HMCN1: variants seen among roughly 807,000 people sequenced by gnomAD.
HMCN1 encodes the protein hemicentin 1.
A neutral mutation model predicts 625.9 loss-of-function variants in HMCN1; 321 were observed. The observed-to-expected ratio is 0.51, with a 90% CI of 0.47 to 0.56. The LOEUF (loss-of-function observed/expected upper bound fraction) is 0.56. HMCN1 is among the 20% of genes least tolerant of loss of function. The probability of loss-of-function intolerance (pLI) is 0.00; values close to 1 mark genes in which losing one functional copy is unlikely to be tolerated. For missense variants in HMCN1, 6,588 were observed against 6,887.3 expected (o/e 0.96, Z 1.54); for synonymous variants, 2,425 against 2,417.6 (o/e 1.00, Z -0.09).
At chr1:185,761,874 T>TC (rs1456327247) in intron 1 of HMCN1, among the ~76,000 whole-genome samples, 1 of 152,110 alleles carries the variant, frequency 6.6e-6, no homozygotes, top group Non-Finnish European at 1.5e-5. Context: ...ATCTAATTAA[T>TC]CCCCCCAGGT....
intron 4 of HMCN1, among the ~76,000 whole-genome samples, chr1:185,871,312 CAG>C (rs1663606523): frequency 6.6e-6 from 1 of 150,864 alleles, no homozygotes. Context: ...GAGGGGTAAA[CAG>C]AAAAGATTCA....
At chr1:186,181,794 G>A (rs1326330589) in intron 104 of HMCN1, among the ~76,000 whole-genome samples, 2 of 152,000 alleles carry the variant, frequency 1.3e-5, no homozygotes, top group African/African-American at 4.8e-5. Context: ...TGTATTTCAG[G>A]TAATTTCTAC....
chr1:186,133,054 G>T (rs1408872842), intron 86 of HMCN1, among the ~76,000 whole-genome samples: 1 of 152,098 alleles, frequency 6.6e-6, no homozygotes, highest in African/African-American at 2.4e-5. Context: ...TTGGACATTT[G>T]GGTTGGTTCC....
chr1:186,030,047 C>G (rs1468413084), intron 36 of HMCN1, among the ~76,000 whole-genome samples: 1 of 151,964 alleles, frequency 6.6e-6, no homozygotes, highest in Admixed American at 6.6e-5. Flanking sequence ...ATTATTGGTT[C>G]CTAAATTTCA....
rs1664952119 is a variant in HMCN1, at chr1:185,890,040, AG to A, written c.622-19296del. Among the ~76,000 whole-genome samples, 3 of 151,446 alleles carry A rather than the reference AG, an allele frequency of 2.0e-5. No individual in the cohort carries two copies. In the South Asian group the frequency reaches 6.2e-4, roughly 31 times the overall value. On this transcript the variant is annotated intron_variant, in intron 4 of 106. Transcript: ENST00000271588. ...AACTTCTTCCTGGTTTAGTCTTGGG[AG>A]AGTGTATGTGTCAAGGAATTTATCC...
At chr1:186,002,077 T>C (rs1200800272) in intron 28 of HMCN1, among the ~76,000 whole-genome samples, 1 of 152,056 alleles carries the variant, frequency 6.6e-6, no homozygotes, top group African/African-American at 2.4e-5. Context: ...GAAGTGGCTA[T>C]AACAGGGTGA....
At position 186,098,568 on chromosome 1, in the gene HMCN1, G is replaced by A. The variant is rs763785380; in HGVS notation, c.10573+3047G>A. Reference sequence around the variant, plus strand: ...GAGTCGGCAAGGATGTGGAGAAAAGGGGACACTTGCACACTGTTGGTGGGA... The same window carrying A: ...GAGTCGGCAAGGATGTGGAGAAAAGAGGACACTTGCACACTGTTGGTGGGA... On this transcript the variant is annotated intron_variant, in intron 68 of 106. Coordinates refer to ENST00000271588, the MANE Select transcript of HMCN1 (RefSeq NM_031935.3). Among the ~76,000 whole-genome samples the A allele has an allele frequency of 3.9e-4, 60 of 152,032 alleles. 1 individual carries two copies. The highest frequency in any genetic ancestry group is 1.3e-4 in the Admixed American group (2 of 15,258).
intron 35 of HMCN1, among the ~76,000 whole-genome samples, chr1:186,020,638 A>C (rs1369457882): frequency 6.6e-6 from 1 of 152,126 alleles, no homozygotes; most frequent in African/African-American, 2.4e-5. Flanking sequence ...GTGTAAGAAC[A>C]TATAATGAGA....
intron 54 of HMCN1, among the ~76,000 whole-genome samples, chr1:186,077,321 A>G (rs980001611): frequency 1.3e-5 from 2 of 152,198 alleles, no homozygotes; most frequent in African/African-American, 4.8e-5. Flanking sequence ...AAATGGCTAT[A>G]AAAAACATTA....
chr1:185,950,184 T>C (rs925273354), intron 11 of HMCN1, among the ~76,000 whole-genome samples: 35 of 151,108 alleles, frequency 2.3e-4, no homozygotes, highest in Non-Finnish European at 4.6e-4. Context: ...GATTGAAGTC[T>C]GGGCCAGGGA....
At chr1:186,021,025 T>C (rs954876151) in intron 35 of HMCN1, among the ~76,000 whole-genome samples, 1 of 152,036 alleles carries the variant, frequency 6.6e-6, no homozygotes, top group African/African-American at 2.4e-5. Flanking sequence ...AAGAATAAAT[T>C]GGAGGAGCCA....
Position 186,114,860 on chromosome 1 carries a change from C to G in HMCN1, c.11318C>G (p.Ala3773Gly). ...AATGGATTCCTTCATATTCAATCAG[C>G]ACATGTCACTGACACTGGACGGTAT... ...LENGFLHIQS[A>G]HVTDTGRYLC... Residue 3773 changes from alanine (A) to glycine (G), a missense_variant, in exon 74 of 107, where the codon GCA becomes GGA. Transcript: ENST00000271588. The G allele has an allele frequency of 6.2e-7, 1 of 1,614,006 alleles. No homozygotes were observed. The highest frequency in any genetic ancestry group is 8.5e-7 in the Non-Finnish European group (1 of 1,179,868).
intron 81 of HMCN1, 75 bp downstream of exon 81, chr1:186,123,295 C>G (rs527572364): frequency 1.3e-6 from 2 of 1,532,512 alleles, no homozygotes; most frequent in Admixed American, 1.9e-5. Flanking sequence ...AAGAGCAAAT[C>G]TGATGGAAGT....
chr1:185,772,161 G>A (rs1366025926), intron 1 of HMCN1, among the ~76,000 whole-genome samples: 2 of 152,186 alleles, frequency 1.3e-5, no homozygotes, highest in African/African-American at 4.8e-5. Flanking sequence ...TGGAGCCATA[G>A]CAGCGGGCAA....
intron 71 of HMCN1, among the ~76,000 whole-genome samples, chr1:186,110,397 A>T (rs1348176346): frequency 6.6e-6 from 1 of 152,192 alleles, no homozygotes; most frequent in Non-Finnish European, 1.5e-5. Flanking sequence ...GATTAAAAGT[A>T]GGAGACACCG....
chr1:185,843,786 G>A (rs890594142), intron 1 of HMCN1, among the ~76,000 whole-genome samples: 1 of 152,096 alleles, frequency 6.6e-6, no homozygotes, highest in African/African-American at 2.4e-5. Flanking sequence ...GTTGTGGCTT[G>A]CAAAAATGTT....
At chr1:185,810,561 A>T (rs1254187083) in intron 1 of HMCN1, among the ~76,000 whole-genome samples, 2 of 152,134 alleles carry the variant, frequency 1.3e-5, no homozygotes, top group Admixed American at 1.3e-4. Flanking sequence ...AAACTGCTGC[A>T]TGTAGTAAAA....
chr1:186,045,977 A>G (rs1412505586), intron 41 of HMCN1, 114 bp downstream of exon 41: 2 of 765,198 alleles, frequency 2.6e-6, no homozygotes, highest in East Asian at 2.7e-5. Context: ...TTCTCTTACA[A>G]AATTCTAGGA....
At chr1:186,094,979 G>A (rs966916642) in intron 67 of HMCN1, among the ~76,000 whole-genome samples, 8 of 152,070 alleles carry the variant, frequency 5.3e-5, no homozygotes, top group African/African-American at 1.9e-4. Context: ...GAGTGAAGAA[G>A]TTGAAAAATC....
Sources: gnomAD v4.1 joint callset for allele counts (sites outside exome capture counted in the v4.1 genomes callset) on GRCh38, gnomAD v4.1.1 for gene constraint, MANE v1.5 for transcripts, NCBI Gene and HGNC (gene_info 2026-07-23, HGNC 2026-07-21) for gene names.